Variants in VAV3 observed in about 807,000 individuals in gnomAD.
VAV3 encodes the protein guanine nucleotide exchange factor VAV3.
In VAV3, 94 loss-of-function variants were observed where a neutral mutation model predicts 131.2. The observed-to-expected ratio is 0.72, with a 90% CI of 0.61 to 0.85. The LOEUF (loss-of-function observed/expected upper bound fraction) is 0.85, where lower values mean the gene tolerates loss of function less well. VAV3 is among the 40% of genes least tolerant of loss of function. The pLI, the probability that VAV3 is intolerant of heterozygous loss-of-function variation, is 0.00. For synonymous variants in VAV3, 349 were observed against 342.0 expected (o/e 1.02, Z -0.22); for missense variants, 939 against 1,002.7 (o/e 0.94, Z 0.86).
intron 20 of VAV3, among the ~76,000 whole-genome samples, chr1:107,633,516 G>C (rs1348058535): frequency 6.6e-6 from 1 of 152,224 alleles, no homozygotes; most frequent in South Asian, 2.1e-4. Flanking sequence ...TTTATTCTTA[G>C]GGCTGCTCAT....
chr1:107,692,559 G>A (rs1209079394), intron 17 of VAV3, among the ~76,000 whole-genome samples: 4 of 152,168 alleles, frequency 2.6e-5, no homozygotes, highest in African/African-American at 4.8e-5. Context: ...GTAGAAGGCT[G>A]AAATAAAATT....
chr1:107,575,825 C>G (rs1649606670), intron 25 of VAV3, among the ~76,000 whole-genome samples: 1 of 152,040 alleles, frequency 6.6e-6, no homozygotes, highest in South Asian at 2.1e-4. Flanking sequence ...GGTCAGAAAA[C>G]AGACTTTATC....
Position 107,777,213 on chromosome 1 carries a change from T to C in VAV3, c.446+18A>G, listed in dbSNP as rs746058992. The C allele has an allele frequency of 5.0e-6, 8 of 1,612,454 alleles. No homozygotes were observed. The highest frequency in any genetic ancestry group is 6.8e-6 in the Non-Finnish European group (8 of 1,178,564). On this transcript the variant is annotated intron_variant, in intron 4 of 26. Transcript: ENST00000370056. The stretch of plus-strand genomic sequence containing the variant: ...TAAATTGGCAGTGGCTAAATTTTGC[T>C]TGAAATTTTCAACATACTCTATTAA...
At chr1:107,892,154 A>G (rs1363030148) in intron 1 of VAV3, among the ~76,000 whole-genome samples, 1 of 152,210 alleles carries the variant, frequency 6.6e-6, no homozygotes, top group Non-Finnish European at 1.5e-5. Context: ...TGTCATTGTT[A>G]GCAGAATTGT....
intron 2 of VAV3, among the ~76,000 whole-genome samples, chr1:107,848,834 C>T (rs1669094989): frequency 6.6e-6 from 1 of 152,172 alleles, no homozygotes; most frequent in Admixed American, 6.5e-5. Context: ...TCCATCGTCT[C>T]AGTCCAAAAT....
At chr1:107,640,741 A>T (rs1343686536) in intron 20 of VAV3, among the ~76,000 whole-genome samples, 1 of 152,092 alleles carries the variant, frequency 6.6e-6, no homozygotes. Flanking sequence ...TAGGACATGG[A>T]GTGGTAGAAA....
intron 1 of VAV3, among the ~76,000 whole-genome samples, chr1:107,934,144 G>C (rs138477659): frequency 2.4e-4 from 37 of 152,186 alleles, no homozygotes; most frequent in African/African-American, 8.2e-4. Flanking sequence ...TATTATCTTG[G>C]AATTATAAGA....
intron 9 of VAV3, among the ~76,000 whole-genome samples, chr1:107,761,359 C>T (rs1463670301): frequency 6.9e-6 from 1 of 145,216 alleles, no homozygotes; most frequent in Non-Finnish European, 1.5e-5. Context: ...TGTCACTGCA[C>T]TCCAGCCTGG....
At chr1:107,745,270 A>C (rs1301805447) in intron 15 of VAV3, among the ~76,000 whole-genome samples, 1 of 152,142 alleles carries the variant, frequency 6.6e-6, no homozygotes, top group East Asian at 1.9e-4. Flanking sequence ...ATTTAAATAC[A>C]TTATTTACAT....
At chr1:107,932,218 G>A (rs375481859) in intron 1 of VAV3, among the ~76,000 whole-genome samples, 7 of 152,182 alleles carry the variant, frequency 4.6e-5, no homozygotes, top group African/African-American at 7.2e-5. Context: ...ATCACAGCAC[G>A]AGAGATGCCA....
chr1:107,791,718 A>G (rs1380472908), intron 2 of VAV3, among the ~76,000 whole-genome samples: 2 of 152,298 alleles, frequency 1.3e-5, no homozygotes, highest in Non-Finnish European at 1.5e-5. Flanking sequence ...CACAGGCTTA[A>G]ATAGAATAGC....
At chr1:107,721,486 G>A (rs959281295) in intron 15 of VAV3, among the ~76,000 whole-genome samples, 1 of 152,148 alleles carries the variant, frequency 6.6e-6, no homozygotes, top group Non-Finnish European at 1.5e-5. Flanking sequence ...CCAAAACAGG[G>A]TAGGCATAAG....
chr1:107,731,336 A>G (rs920025376), intron 15 of VAV3, among the ~76,000 whole-genome samples: 2 of 152,216 alleles, frequency 1.3e-5, no homozygotes, highest in Non-Finnish European at 2.9e-5. Flanking sequence ...CTTTCAATGT[A>G]TCCACACTTT....
At chr1:107,896,016 CT>C in intron 1 of VAV3, among the ~76,000 whole-genome samples, 1 of 152,246 alleles carries the variant, frequency 6.6e-6, no homozygotes, top group African/African-American at 2.4e-5. Context: ...GCTTGGACTT[CT>C]TGCAGGAAGT....
intron 1 of VAV3, among the ~76,000 whole-genome samples, chr1:107,878,544 A>C (rs1670616501): frequency 6.6e-6 from 1 of 152,218 alleles, no homozygotes; most frequent in South Asian, 2.1e-4. Flanking sequence ...TCTTCATGGT[A>C]TCATTAAACC....
intron 17 of VAV3, 139 bp from the exon 18 acceptor site, chr1:107,688,545 T>C: frequency 3.3e-6 from 5 of 1,528,956 alleles, no homozygotes; most frequent in Non-Finnish European, 4.4e-6. Flanking sequence ...CCACGGTCCC[T>C]CAGGCTGGGC....
chr1:107,781,760 C>T (rs1394250783), intron 2 of VAV3, among the ~76,000 whole-genome samples: 1 of 152,086 alleles, frequency 6.6e-6, no homozygotes, highest in Non-Finnish European at 1.5e-5. Flanking sequence ...TCAACTATGT[C>T]GAACATCTAA....
At chr1:107,673,025 A>C (rs1464955229) in intron 19 of VAV3, among the ~76,000 whole-genome samples, 1 of 152,200 alleles carries the variant, frequency 6.6e-6, no homozygotes, top group Non-Finnish European at 1.5e-5. Context: ...CAGATATTGT[A>C]CCTCTATGAC....
chr1:107,741,276 T>C lies in VAV3; in HGVS notation c.1502+7692A>G, dbSNP rs1457232472. 2.6e-5 allele frequency among the ~76,000 whole-genome samples: 4 copies of C among 152,242 alleles called. No individual in the cohort carries two copies. The East Asian group carries it at 7.7e-4, about 29-fold the overall frequency. ...AAATTAACAACAAAGACCAATTTCTTTTGAAACACTCACTGGAGAGCTTAA... is the reference window on the plus strand; with the variant it reads ...AAATTAACAACAAAGACCAATTTCTCTTGAAACACTCACTGGAGAGCTTAA... On this transcript the variant is annotated intron_variant, in intron 15 of 26. Transcript: ENST00000370056.
Sources: allele counts gnomAD v4.1 joint callset (sites outside exome capture counted in the v4.1 genomes callset), GRCh38; gene constraint gnomAD v4.1.1; transcripts MANE v1.5; gene names NCBI Gene and HGNC (gene_info 2026-07-23, HGNC 2026-07-21).